Variants in ARHGAP20 observed in about 807,000 individuals in gnomAD.
The protein encoded by ARHGAP20 is rho GTPase-activating protein 20.
A neutral mutation model predicts 73.7 loss-of-function variants in ARHGAP20; 34 were observed. That is an observed-to-expected ratio of 0.46 (90% CI 0.35 to 0.61). ARHGAP20 has a LOEUF of 0.61. Ranked by LOEUF, ARHGAP20 falls within the 20% of genes least tolerant of loss-of-function variation. The probability of loss-of-function intolerance (pLI) is 0.00; values close to 1 mark genes in which losing one functional copy is unlikely to be tolerated. For synonymous variants in ARHGAP20, 523 were observed against 518.2 expected (o/e 1.01, Z -0.13); for missense variants, 1,314 against 1,420.9 (o/e 0.92, Z 1.21).
chr11:110,700,635 A>G (rs1412137667), intron 1 of ARHGAP20, among the ~76,000 whole-genome samples: 1 of 151,690 alleles, frequency 6.6e-6, no homozygotes, highest in African/African-American at 2.4e-5. Flanking sequence ...CATGTGCACA[A>G]TGTGCAGGTT....
At position 110,687,691 on chromosome 11, in the gene ARHGAP20, A is replaced by G. The variant is rs186914072; in HGVS notation, c.188+2856T>C. ...CTTTTTATATCCTGAAATGAAATTC[A>G]CAGGTATTTTTAAAAAGTTGAAAAT... On this transcript the variant is annotated intron_variant, in intron 2 of 14. Transcript: ENST00000683387. 1.3e-3 allele frequency among the ~76,000 whole-genome samples: 193 copies of G among 152,314 alleles called. 2 individuals carry two copies. The Middle Eastern group carries it at 0.051, about 40-fold the overall frequency.
chr11:110,592,587 G>T (rs1249749831), intron 9 of ARHGAP20, among the ~76,000 whole-genome samples: 1 of 152,124 alleles, frequency 6.6e-6, no homozygotes, highest in Non-Finnish European at 1.5e-5. Context: ...AAGAAAGTGT[G>T]AAGAGGGAAA....
At chr11:110,657,971 A>G (rs887341040) in intron 2 of ARHGAP20, among the ~76,000 whole-genome samples, 10 of 135,562 alleles carry the variant, frequency 7.4e-5, no homozygotes, top group Admixed American at 1.4e-4. Context: ...AGGAAGGAAG[A>G]AAATGTCTAG....
At chr11:110,694,436 A>G (rs986140982) in intron 1 of ARHGAP20, among the ~76,000 whole-genome samples, 1 of 149,608 alleles carries the variant, frequency 6.7e-6, no homozygotes, top group African/African-American at 2.5e-5. Context: ...TTGTAGGTCA[A>G]AAAACCTATT....
At chr11:110,666,457 A>C (rs979252668) in intron 2 of ARHGAP20, among the ~76,000 whole-genome samples, 5 of 152,224 alleles carry the variant, frequency 3.3e-5, no homozygotes, top group Non-Finnish European at 7.3e-5. Flanking sequence ...ACATATTTTA[A>C]AGTTACTATA....
At chr11:110,648,713 C>T (rs1201696492) in intron 2 of ARHGAP20, among the ~76,000 whole-genome samples, 1 of 152,000 alleles carries the variant, frequency 6.6e-6, no homozygotes, top group African/African-American at 2.4e-5. Flanking sequence ...GAACTCCTGA[C>T]CTCGAGAGAT....
intron 1 of ARHGAP20, among the ~76,000 whole-genome samples, chr11:110,693,128 T>C (rs1214120395): frequency 6.6e-6 from 1 of 151,996 alleles, no homozygotes; most frequent in African/African-American, 2.4e-5. Flanking sequence ...AGAAGATCAT[T>C]TGTATAATAG....
intron 2 of ARHGAP20, among the ~76,000 whole-genome samples, chr11:110,675,447 C>T (rs747402207): frequency 3.9e-5 from 6 of 152,084 alleles, no homozygotes; most frequent in African/African-American, 9.7e-5. Context: ...TTTTTGGCAC[C>T]GAGGACCAGT....
chr11:110,712,429 G>A lies in ARHGAP20; in HGVS notation c.-198C>T, dbSNP rs1307660017. 6 of 267,172 alleles carry A rather than the reference G, an allele frequency of 2.2e-5. No individual in the cohort carries two copies. Among genetic ancestry groups the A allele is most frequent in the East Asian group, 7.2e-5 (1 of 13,868 alleles). 16.6% of individuals were successfully genotyped at this position (267,172 alleles called of 1,614,324 possible). A position where few individuals can be genotyped will look rare whatever the true frequency, so the allele number is the denominator to read the frequency against. ...CCTGCGCTCGACACCGCGGGCTGGA[G>A]GCGAGTGCAGCGGCGACAGCCCGTC... is the stretch of plus-strand genomic sequence containing the variant. On this transcript the variant is annotated 5_prime_UTR_variant, in exon 1 of 15. Transcript: ENST00000683387.
Position 110,579,550 on chromosome 11 carries a change from T to C in ARHGAP20, c.3396A>G (p.Arg1132=), listed in dbSNP as rs772349867. The change falls in exon 15 of 15, where the codon AGA becomes AGG. Residue 1132 remains arginine, a synonymous_variant. Coordinates refer to ENST00000683387, the MANE Select transcript of ARHGAP20 (RefSeq NM_001384657.1). The part of the protein sequence containing the change: ...CSSPFSLVES[R]LKLCMKSHEE... ...CATGTGACTTCATGCACAGCTTAAG[T>C]CTGCTCTCCACCAGGCTGAATGGAG... 7.4e-6 allele frequency: 12 copies of C among 1,613,882 alleles called. No individual in the cohort carries two copies. Among genetic ancestry groups the C allele is most frequent in the Non-Finnish European group, 1.0e-5 (12 of 1,179,866 alleles).
intron 1 of ARHGAP20, among the ~76,000 whole-genome samples, chr11:110,696,472 T>C (rs949022836): frequency 9.1e-6 from 1 of 109,570 alleles, no homozygotes; most frequent in Admixed American, 8.6e-5. Context: ...TTTTATCCCA[T>C]TTTTTTTGGT....
At chr11:110,656,032 G>A (rs1295993005) in intron 2 of ARHGAP20, among the ~76,000 whole-genome samples, 1 of 152,178 alleles carries the variant, frequency 6.6e-6, no homozygotes, top group Non-Finnish European at 1.5e-5. Context: ...CCCTCCACTA[G>A]AACGTAAATT....
intron 3 of ARHGAP20, among the ~76,000 whole-genome samples, chr11:110,625,833 G>A (rs914853912): frequency 1.3e-5 from 2 of 152,142 alleles, no homozygotes; most frequent in African/African-American, 4.8e-5. Context: ...AGACCCATTT[G>A]TGTAAATACT....
At chr11:110,587,415 TA>T (rs1947699547) in intron 11 of ARHGAP20, among the ~76,000 whole-genome samples, 1 of 152,218 alleles carries the variant, frequency 6.6e-6, no homozygotes, top group African/African-American at 2.4e-5. Context: ...CTAAACCAAA[TA>T]AATAATTTTA....
chr11:110,656,246 G>T (rs1949464098), intron 2 of ARHGAP20, among the ~76,000 whole-genome samples: 1 of 152,080 alleles, frequency 6.6e-6, no homozygotes, highest in Non-Finnish European at 1.5e-5. Context: ...TTTGGTGGGA[G>T]CACGTGGGAT....
chr11:110,643,253 T>G (rs1324281686), intron 2 of ARHGAP20, among the ~76,000 whole-genome samples: 1 of 152,102 alleles, frequency 6.6e-6, no homozygotes, highest in Non-Finnish European at 1.5e-5. Context: ...TTGTATAGAT[T>G]TTTATGTCTC....
At chr11:110,601,684 T>C (rs1948113076) in intron 9 of ARHGAP20, among the ~76,000 whole-genome samples, 1 of 152,166 alleles carries the variant, frequency 6.6e-6, no homozygotes, top group Non-Finnish European at 1.5e-5. Flanking sequence ...ATAAAAATTA[T>C]ATGGCATTTA....
intron 4 of ARHGAP20, among the ~76,000 whole-genome samples, chr11:110,619,692 G>A (rs1415809733): frequency 3.3e-5 from 5 of 151,560 alleles, no homozygotes; most frequent in Admixed American, 6.6e-5. Context: ...AGTATATGTA[G>A]TGATAGAGTA....
intron 2 of ARHGAP20, among the ~76,000 whole-genome samples, chr11:110,633,282 T>G (rs1948895550): frequency 6.6e-6 from 1 of 152,166 alleles, no homozygotes; most frequent in Non-Finnish European, 1.5e-5. Flanking sequence ...TATAAGATCT[T>G]TAAATTCCCT....
Sources: allele counts gnomAD v4.1 joint callset (sites outside exome capture counted in the v4.1 genomes callset), GRCh38; gene constraint gnomAD v4.1.1; transcripts MANE v1.5; gene names NCBI Gene and HGNC (gene_info 2026-07-23, HGNC 2026-07-21).